PPARGC1A: variants seen among roughly 807,000 people sequenced by gnomAD.
PPARGC1A encodes the protein PPARG coactivator 1 alpha, also known as peroxisome proliferator-activated receptor gamma coactivator 1-alpha.
PPARGC1A carries 25 observed loss-of-function variants against 88.7 expected under a neutral mutation model. That is an observed-to-expected ratio of 0.28 (90% CI 0.21 to 0.39). The LOEUF is 0.39. Ranked by LOEUF, PPARGC1A falls within the 10% of genes least tolerant of loss-of-function variation. The probability of loss-of-function intolerance (pLI) is 1.00; values close to 1 mark genes in which losing one functional copy is unlikely to be tolerated. For synonymous variants in PPARGC1A, 363 were observed against 355.6 expected (o/e 1.02, Z -0.24); for missense variants, 880 against 968.7 (o/e 0.91, Z 1.22).
At chr4:23,818,125 T>A (rs1418616005) in intron 7 of PPARGC1A, among the ~76,000 whole-genome samples, 2 of 152,158 alleles carry the variant, frequency 1.3e-5, no homozygotes, top group Non-Finnish European at 2.9e-5. Context: ...AAATCAACAG[T>A]GCTAATGCCT....
chr4:24,404,857 T>A, the PPARGC1A span, among the ~76,000 whole-genome samples: 180 of 152,358 alleles, frequency 1.2e-3, no homozygotes, highest in South Asian at 1.2e-3. Flanking sequence ...AACTGCCAAT[T>A]TGTGACTGCA....
At chr4:23,868,867 C>A (rs1163279647) in intron 2 of PPARGC1A, among the ~76,000 whole-genome samples, 2 of 152,198 alleles carry the variant, frequency 1.3e-5, no homozygotes, top group Non-Finnish European at 2.9e-5. Context: ...GTTCTCATTC[C>A]TTAAGACTCA....
At chr4:24,376,845 T>A in the PPARGC1A span, among the ~76,000 whole-genome samples, 5 of 152,218 alleles carry the variant, frequency 3.3e-5, no homozygotes, top group Non-Finnish European at 5.9e-5. Flanking sequence ...ATGGTGAGGT[T>A]AAGGATACCC....
At chr4:24,452,795 C>A in the PPARGC1A span, among the ~76,000 whole-genome samples, 1 of 152,132 alleles carries the variant, frequency 6.6e-6, no homozygotes, top group Non-Finnish European at 1.5e-5. Flanking sequence ...AAAATAATAT[C>A]TCTTGGCATT....
the PPARGC1A span, among the ~76,000 whole-genome samples, chr4:24,053,832 G>A: frequency 6.6e-6 from 1 of 152,142 alleles, no homozygotes; most frequent in Non-Finnish European, 1.5e-5. Flanking sequence ...AACCACGATT[G>A]TTATTTAAAA....
the PPARGC1A span, among the ~76,000 whole-genome samples, chr4:23,967,500 C>G: frequency 4.6e-4 from 70 of 152,146 alleles, no homozygotes; most frequent in Non-Finnish European, 8.1e-4. Flanking sequence ...AGTCTGCCGA[C>G]TCGGGAACCG....
At chr4:24,204,189 G>A in the PPARGC1A span, among the ~76,000 whole-genome samples, 1 of 152,198 alleles carries the variant, frequency 6.6e-6, no homozygotes, top group Non-Finnish European at 1.5e-5. Flanking sequence ...CATTGGGCCA[G>A]TAAAGAGTTA....
At chr4:23,851,080 G>C (rs1394609150) in intron 2 of PPARGC1A, among the ~76,000 whole-genome samples, 2 of 152,154 alleles carry the variant, frequency 1.3e-5, no homozygotes, top group Admixed American at 1.3e-4. Flanking sequence ...CAATTAAGTT[G>C]CTAATAAAGT....
At chr4:24,432,232 A>G in the PPARGC1A span, among the ~76,000 whole-genome samples, 21 of 152,318 alleles carry the variant, frequency 1.4e-4, no homozygotes, top group African/African-American at 4.6e-4. Flanking sequence ...ATACAGGTGA[A>G]GACGTTGACC....
At chr4:23,831,085 T>G (rs1438815005) in intron 3 of PPARGC1A, among the ~76,000 whole-genome samples, 1 of 152,156 alleles carries the variant, frequency 6.6e-6, no homozygotes, top group Non-Finnish European at 1.5e-5. Flanking sequence ...CATAAAAGAT[T>G]GCAAAATAAA....
the PPARGC1A span, among the ~76,000 whole-genome samples, chr4:23,950,178 C>T: frequency 6.6e-6 from 1 of 152,144 alleles, no homozygotes; most frequent in East Asian, 1.9e-4. Context: ...ATACCCCATA[C>T]ATCTTCAAGA....
chr4:24,394,847 GA>G, the PPARGC1A span, among the ~76,000 whole-genome samples: 1 of 152,082 alleles, frequency 6.6e-6, no homozygotes, highest in Non-Finnish European at 1.5e-5. Flanking sequence ...AAATGTGGGG[GA>G]AAAAATGCTT....
chr4:23,894,949 G>A (rs748308003), upstream of PPARGC1A, among the ~76,000 whole-genome samples: 2 of 151,938 alleles, frequency 1.3e-5, no homozygotes, highest in South Asian at 2.1e-4. Context: ...GACAATAAAT[G>A]TTCAATAGGA....
At chr4:24,314,353 C>T in the PPARGC1A span, among the ~76,000 whole-genome samples, 57 of 152,284 alleles carry the variant, frequency 3.7e-4, no homozygotes, top group African/African-American at 1.3e-3. Flanking sequence ...GTTCTGCCCT[C>T]ATGAGTGAAT....
At chr4:23,892,755 T>G (rs1718038791), upstream of PPARGC1A, among the ~76,000 whole-genome samples, 2 of 152,170 alleles carry the variant, frequency 1.3e-5, no homozygotes, top group East Asian at 3.8e-4. Context: ...AAGGATCTAT[T>G]GAAACCTTAC....
the PPARGC1A span, among the ~76,000 whole-genome samples, chr4:24,112,694 T>A: frequency 6.6e-6 from 1 of 152,250 alleles, no homozygotes; most frequent in Non-Finnish European, 1.5e-5. Flanking sequence ...GCTGTAGTGA[T>A]CTCACCCTGG....
the PPARGC1A span, among the ~76,000 whole-genome samples, chr4:24,212,134 G>T: frequency 2.0e-4 from 30 of 152,274 alleles, no homozygotes; most frequent in Admixed American, 1.8e-3. Context: ...GTTTCTTGAT[G>T]TAAGTCCAAC....
At chr4:24,224,366 T>C in the PPARGC1A span, among the ~76,000 whole-genome samples, 1 of 152,130 alleles carries the variant, frequency 6.6e-6, no homozygotes, top group Non-Finnish European at 1.5e-5. Context: ...AAGAGAGCTC[T>C]GGAAGGAGAA....
At chr4:24,471,129 AACGG>A in the PPARGC1A span, among the ~76,000 whole-genome samples, 1 of 151,604 alleles carries the variant, frequency 6.6e-6, no homozygotes, top group Non-Finnish European at 1.5e-5. This position sits in a 1 kb window ranked among gnomAD's most constrained non-coding sequence, Gnocchi z 5.4. Flanking sequence ...AGCCGGGCTG[AACGG>A]AGCTCTTTTC....
Sources: allele counts gnomAD v4.1 joint callset (sites outside exome capture counted in the v4.1 genomes callset), GRCh38; gene constraint gnomAD v4.1.1; non-coding constraint Gnocchi (gnomAD v3.1); transcripts MANE v1.5; gene names NCBI Gene and HGNC (gene_info 2026-07-23, HGNC 2026-07-21).